The following OR11G2 variants were observed in gnomAD, a reference collection of about 807,000 sequenced individuals.
OR11G2 encodes olfactory receptor family 11 subfamily G member 2.
OR11G2 carries 2 observed loss-of-function variants against 0.9 expected under a neutral mutation model. That is an observed-to-expected ratio of 2.35 (90% CI 0.96 to 7.38). OR11G2 has a LOEUF of 7.38. Ranked by LOEUF, OR11G2 falls within the 30% of genes most tolerant of loss-of-function variation. The probability of loss-of-function intolerance (pLI) is 0.05; values close to 1 mark genes in which losing one functional copy is unlikely to be tolerated. For synonymous variants in OR11G2, 153 were observed against 142.0 expected (o/e 1.08, Z -0.55); for missense variants, 395 against 371.3 (o/e 1.06, Z -0.52).
Position 20,197,576 on chromosome 14 carries a change from G to T in OR11G2, c.139G>T (p.Gly47Cys), listed in dbSNP as rs755251338. The change falls in exon 2 of 2, where the codon GGT (glycine) becomes TGT (cysteine). Residue 47 changes from glycine (G) to cysteine (C), a missense_variant. By Grantham distance (159) the Gly-to-Cys change is radical (BLOSUM62 -3). Transcript: ENST00000641879. ...VVYLLTLMGN[G>C]SIICAVHWDQ... ...TTACCTCCTGACCCTCATGGGCAATGGTTCCATCATCTGTGCTGTGCACTG... is the reference window on the plus strand; with the variant it reads ...TTACCTCCTGACCCTCATGGGCAATTGTTCCATCATCTGTGCTGTGCACTG... 6.2e-7 allele frequency: 1 copy of T among 1,614,170 alleles called. No homozygotes were observed. The highest frequency in any genetic ancestry group is 8.5e-7 in the Non-Finnish European group (1 of 1,180,024).
At position 20,200,192 on chromosome 14, in the gene OR11G2, C is replaced by T. The variant is rs1285873538; in HGVS notation, c.*1819C>T. The T allele has an allele frequency of 6.6e-6, 1 of 151,398 alleles. No individual in the cohort carries two copies. The allele number at this position is 151,398 out of a possible 1,614,324, so 9.4% of individuals were successfully genotyped here. On this transcript the variant is annotated 3_prime_UTR_variant, in exon 2 of 2. Coordinates refer to ENST00000641879, the MANE Select transcript of OR11G2 (RefSeq NM_001386033.1). ...AAAAAAAAAGTTCCTATCCACCACC[C>T]TTTTAACTAGCCCAAGTTCCCTTTG...
Position 20,198,171 on chromosome 14 carries a change from G to T in OR11G2, c.734G>T (p.Cys245Phe). ...AAGRRKAFST[C>F]GSHLAVVSLF... is the part of the protein sequence containing the mutation. ...GGGAGAAGAAAGGCTTTCTCCACCT[G>T]TGGGTCTCACCTGGCTGTGGTTTCA... is the stretch of plus-strand genomic sequence containing the variant. The change falls in exon 2 of 2, where the codon TGT (cysteine) becomes TTT (phenylalanine). Residue 245 changes from cysteine to phenylalanine, a missense_variant. Physicochemically the swap from Cys to Phe is radical, Grantham distance 205. Coordinates refer to ENST00000641879, the MANE Select transcript of OR11G2 (RefSeq NM_001386033.1). The T allele has an allele frequency of 1.2e-6, 2 of 1,614,140 alleles. No individual in the cohort carries two copies. Among genetic ancestry groups the T allele is most frequent in the Non-Finnish European group, 1.7e-6 (2 of 1,180,030 alleles).
chr14:20,198,370 A>AT lies in OR11G2; in HGVS notation c.934dup (p.Ter312LeufsTer4). 1 of 1,542,264 alleles carries AT rather than the reference A, an allele frequency of 6.5e-7. No homozygotes were observed. Among genetic ancestry groups the AT allele is most frequent in the Non-Finnish European group, 8.7e-7 (1 of 1,147,392 alleles). Reference sequence around the variant, plus strand: ...AAGCTCTGAAGAAATTTTGGGGAACATAAAATGTTAATCAAAAAGGTCCTT... The same window carrying AT: ...AAGCTCTGAAGAAATTTTGGGGAACATTAAAATGTTAATCAAAAAGGTCCTT... On this transcript the variant is annotated frameshift_variant, in exon 2 of 2. Coordinates refer to ENST00000641879, the MANE Select transcript of OR11G2 (RefSeq NM_001386033.1). LOFTEE classifies it high-confidence loss of function.
Position 20,199,334 on chromosome 14 carries a change from A to T in OR11G2, c.*961A>T, listed in dbSNP as rs1207759309. ...CTTCTGTGGTCCTTCCCTCTCCAGG[A>T]TTTCTCAAACGCCAGGTGCTTTGGC... On this transcript the variant is annotated 3_prime_UTR_variant, in exon 2 of 2. Coordinates refer to ENST00000641879, the MANE Select transcript of OR11G2 (RefSeq NM_001386033.1). 1 of 152,240 alleles carries T rather than the reference A, an allele frequency of 6.6e-6. No individual in the cohort carries two copies. The highest frequency in any genetic ancestry group is 1.5e-5 in the Non-Finnish European group (1 of 68,072). 9.4% of individuals were successfully genotyped at this position (152,240 alleles called of 1,614,324 possible).
rs74538160 is a variant in OR11G2, at chr14:20,198,025, C to A, written c.588C>A (p.Gly196=). 6.3e-7 allele frequency: 1 copy of A among 1,589,838 alleles called. No individual in the cohort carries two copies. The highest frequency in any genetic ancestry group is 8.6e-7 in the Non-Finnish European group (1 of 1,158,658). The change falls in exon 2 of 2, where the codon GGC becomes GGA. Residue 196 remains glycine (G), a synonymous_variant. Transcript: ENST00000641879. The part of the protein sequence containing the change: ...APLLTLTCKK[G]PVIELVFSVL... ...TTCTAACTCTCACTTGCAAAAAAGG[C>A]CCTGTGATAGAGCTTGTCTTTTCTG...
At chr14:20,195,325 A>G (rs917866656) in intron 1 of OR11G2, among the ~76,000 whole-genome samples, 3 of 152,206 alleles carry the variant, frequency 2.0e-5, no homozygotes, top group Non-Finnish European at 4.4e-5. Context: ...AGATCACTGG[A>G]GGTCAGGAGT....
At chr14:20,195,516 G>A (rs942776119) in intron 1 of OR11G2, among the ~76,000 whole-genome samples, 1 of 152,212 alleles carries the variant, frequency 6.6e-6, no homozygotes, top group Non-Finnish European at 1.5e-5. Flanking sequence ...CTCCAGCCTG[G>A]GTGACAGAGC....
chr14:20,197,299 GT>G, intron 1 of OR11G2, 134 bp from the exon 2 acceptor site: 2 of 1,196,566 alleles, frequency 1.7e-6, no homozygotes, highest in South Asian at 1.6e-5. Flanking sequence ...TCTGCATTCT[GT>G]TTTTTACTTT....
intron 1 of OR11G2, among the ~76,000 whole-genome samples, chr14:20,195,108 G>C (rs141030057): frequency 0.014 from 2,195 of 152,236 alleles, 24 homozygotes; most frequent in Middle Eastern, 0.02. Context: ...CAAAAGCCAA[G>C]TACATTTAAT....
rs1879786954 is a variant in OR11G2, at chr14:20,197,715, C to A, written c.278C>A (p.Thr93Asn). 6.2e-7 allele frequency: 1 copy of A among 1,613,948 alleles called. No homozygotes were observed. The highest frequency in any genetic ancestry group is 8.5e-7 in the Non-Finnish European group (1 of 1,179,894). Residue 93 changes from threonine to asparagine, a missense_variant, in exon 2 of 2, where the codon ACC becomes AAC. By Grantham distance (65) the Thr-to-Asn change is moderately conservative. Coordinates refer to ENST00000641879, the MANE Select transcript of OR11G2 (RefSeq NM_001386033.1). The stretch of plus-strand genomic sequence containing the variant: ...ATGCTGGCCAACTTCCTCTCTGACA[C>A]CAAGATCATCTCGTTCTCTGGCTGC... Reference protein sequence around the residue: ...PSMLANFLSDTKIISFSGCFL... With the variant: ...PSMLANFLSDNKIISFSGCFL...
rs145505238 is a variant in OR11G2 at position 20,197,418 on chromosome 14, C to A, written c.-4-16C>A. 7 of 1,612,800 alleles carry A rather than the reference C, an allele frequency of 4.3e-6. No homozygotes were observed. Among genetic ancestry groups the A allele is most frequent in the African/African-American group, 2.7e-5 (2 of 74,910 alleles). On this transcript the variant is annotated splice_polypyrimidine_tract_variant and intron_variant, in intron 1 of 1. Coordinates refer to ENST00000641879, the MANE Select transcript of OR11G2 (RefSeq NM_001386033.1). ...CACCGTCATTCAGTAATTGCTGGTG[C>A]TTTTACAATTCACAGGCACATGAAA...
rs746566340 is a variant in OR11G2 at position 20,198,182 on chromosome 14, C to A, written c.745C>A (p.Leu249Met). ...GGCTTTCTCCACCTGTGGGTCTCAC[C>A]TGGCTGTGGTTTCACTGTTCTACGG... ...RKAFSTCGSHLAVVSLFYGSV... is the reference protein window; with the variant it reads ...RKAFSTCGSHMAVVSLFYGSV... The change falls in exon 2 of 2, where the codon CTG (leucine) becomes ATG (methionine). Residue 249 changes from leucine (L) to methionine (M), a missense_variant. Leu to Met is a conservative substitution (Grantham distance 15). Coordinates refer to ENST00000641879, the MANE Select transcript of OR11G2 (RefSeq NM_001386033.1). 6.2e-7 allele frequency: 1 copy of A among 1,613,972 alleles called. No homozygotes were observed. Among genetic ancestry groups the A allele is most frequent in the East Asian group, 2.2e-5 (1 of 44,862 alleles).
chr14:20,196,874 ATAT>A (rs1566353410), intron 1 of OR11G2, among the ~76,000 whole-genome samples: 1 of 152,236 alleles, frequency 6.6e-6, no homozygotes, highest in Non-Finnish European at 1.5e-5. Flanking sequence ...CAAGTGAATG[ATAT>A]TATTAAGTTA....
chr14:20,194,895 C>T (rs1009371230), intron 1 of OR11G2, among the ~76,000 whole-genome samples: 1 of 152,084 alleles, frequency 6.6e-6, no homozygotes, highest in Non-Finnish European at 1.5e-5. Context: ...GAAACTGGTG[C>T]AGAGTGACTT....
rs1171662621 is a variant in OR11G2 at position 20,198,216 on chromosome 14, T to G, written c.779T>G (p.Leu260Arg). Residue 260 changes from leucine (L) to arginine (R), a missense_variant, in exon 2 of 2, where the codon CTG (leucine) becomes CGG (arginine). Physicochemically the swap from Leu to Arg is moderately radical, Grantham distance 102. Coordinates refer to ENST00000641879, the MANE Select transcript of OR11G2 (RefSeq NM_001386033.1). ...GTTTCACTGTTCTACGGCTCAGTAC[T>G]GGTCATGTATGGGAGCCCACCATCT... is the stretch of plus-strand genomic sequence containing the variant. ...AVVSLFYGSVLVMYGSPPSKN... is the reference protein window; with the variant it reads ...AVVSLFYGSVRVMYGSPPSKN... 6.2e-7 allele frequency: 1 copy of G among 1,614,130 alleles called. No homozygotes were observed. The highest frequency in any genetic ancestry group is 8.5e-7 in the Non-Finnish European group (1 of 1,180,004).
chr14:20,192,645 C>A (rs552459511), intron 1 of OR11G2, among the ~76,000 whole-genome samples: 1 of 152,334 alleles, frequency 6.6e-6, no homozygotes, highest in Non-Finnish European at 1.5e-5. Flanking sequence ...CCTCAAATTT[C>A]ATCTCTCCTT....
rs2139112714 is a variant in OR11G2, at chr14:20,197,519, C to A, written c.82C>A (p.Gln28Lys). 6 of 1,614,074 alleles carry A rather than the reference C, an allele frequency of 3.7e-6. No homozygotes were observed. The highest frequency in any genetic ancestry group is 5.1e-6 in the Non-Finnish European group (6 of 1,179,972). The stretch of plus-strand genomic sequence containing the variant: ...GGGCTTCCCTTGCCCCAGGGAGGGG[C>A]AGATCCTCCTCTTTGTGCTCTTCAC... ...LLGFPCPREG[Q>K]ILLFVLFTVV... The change falls in exon 2 of 2, where the codon CAG becomes AAG. Residue 28 changes from glutamine (Q) to lysine (K), a missense_variant. Transcript: ENST00000641879.
At chr14:20,193,073 C>T (rs1274195792) in intron 1 of OR11G2, among the ~76,000 whole-genome samples, 3 of 151,788 alleles carry the variant, frequency 2.0e-5, no homozygotes, top group African/African-American at 7.3e-5. Flanking sequence ...TCTAGAAGTC[C>T]CCTCTGTTTG....
intron 1 of OR11G2, among the ~76,000 whole-genome samples, chr14:20,192,268 TAC>T (rs1158278492): frequency 1.3e-5 from 2 of 152,170 alleles, no homozygotes; most frequent in African/African-American, 4.8e-5. Flanking sequence ...ATATCATGTA[TAC>T]ATGTGGGATA....
Sources: allele counts gnomAD v4.1 joint callset (sites outside exome capture counted in the v4.1 genomes callset), GRCh38; gene constraint gnomAD v4.1.1; transcripts MANE v1.5; gene names NCBI Gene and HGNC (gene_info 2026-07-23, HGNC 2026-07-21).